GRHL2: variants seen among roughly 807,000 people sequenced by gnomAD.
The protein encoded by GRHL2 is grainyhead like transcription factor 2, also known as grainyhead-like protein 2 homolog.
In GRHL2, 21 loss-of-function variants were observed where a neutral mutation model predicts 83.8. The observed-to-expected ratio is 0.25, with a 90% confidence interval of 0.18 to 0.36. GRHL2 has a LOEUF of 0.36. Among genes scored for constraint, GRHL2 ranks in the 10% least tolerant of loss-of-function variants. The pLI, the probability that GRHL2 is intolerant of heterozygous loss-of-function variation, is 1.00. For synonymous variants in GRHL2, 280 were observed against 278.9 expected (o/e 1.00, Z -0.04); for missense variants, 623 against 781.8 (o/e 0.80, Z 2.42).
chr8:101,493,988 C>G (rs1810037327), intron 1 of GRHL2, among the ~76,000 whole-genome samples: 1 of 152,102 alleles, frequency 6.6e-6, no homozygotes, highest in Non-Finnish European at 1.5e-5. Flanking sequence ...TCGGCGGGGA[C>G]ACTCCCTTCC....
Position 101,632,376 on chromosome 8 carries a change from C to T in GRHL2, c.1485+11C>T. ...CAGAGGACCGGACAGGTATGACCTA[C>T]CAGCTAACGCCCACCTCCCATCCAT... On this transcript the variant is annotated intron_variant, in intron 11 of 15. Transcript: ENST00000646743. 3 of 1,613,772 alleles carry T rather than the reference C, an allele frequency of 1.9e-6. No individual in the cohort carries two copies. Among genetic ancestry groups the T allele is most frequent in the Non-Finnish European group, 2.5e-6 (3 of 1,179,736 alleles).
chr8:101,515,427 T>C (rs1412945826), intron 1 of GRHL2, among the ~76,000 whole-genome samples: 1 of 152,136 alleles, frequency 6.6e-6, no homozygotes, highest in Non-Finnish European at 1.5e-5. Context: ...TCTGTCCTTG[T>C]TACAATATAG....
intron 4 of GRHL2, among the ~76,000 whole-genome samples, chr8:101,566,016 T>C (rs963020744): frequency 2.0e-5 from 3 of 152,194 alleles, no homozygotes; most frequent in Admixed American, 1.3e-4. Flanking sequence ...TCCAACTTAA[T>C]TGATTGACAG....
downstream of GRHL2, among the ~76,000 whole-genome samples, chr8:101,674,532 C>G (rs961855674): frequency 8.1e-4 from 124 of 152,248 alleles, no homozygotes; most frequent in South Asian, 1.0e-3. Context: ...TCTGAATAGA[C>G]CAATAACAGG....
intron 1 of GRHL2, among the ~76,000 whole-genome samples, chr8:101,499,844 G>A (rs371710666): frequency 6.6e-5 from 10 of 152,244 alleles, no homozygotes; most frequent in East Asian, 3.9e-4. Flanking sequence ...TTGGGAAGCC[G>A]AGGCAGGCAG....
intron 1 of GRHL2, among the ~76,000 whole-genome samples, chr8:101,495,610 G>A (rs1810083844): frequency 1.3e-5 from 2 of 152,106 alleles, no homozygotes; most frequent in Admixed American, 1.3e-4. Flanking sequence ...TTTAGAGAAC[G>A]TGTAGGTACT....
At chr8:101,676,873 A>G in the GRHL2 span, among the ~76,000 whole-genome samples, 2 of 152,200 alleles carry the variant, frequency 1.3e-5, no homozygotes, top group Non-Finnish European at 2.9e-5. Flanking sequence ...ATGGAATACT[A>G]TGCAGCTATA....
intron 2 of GRHL2, among the ~76,000 whole-genome samples, chr8:101,552,487 G>A (rs948056777): frequency 2.6e-5 from 4 of 152,172 alleles, no homozygotes; most frequent in African/African-American, 4.8e-5. Flanking sequence ...GTGAGCAGCC[G>A]AATCATGTCT....
At chr8:101,607,979 A>G (rs1812664793) in intron 8 of GRHL2, among the ~76,000 whole-genome samples, 1 of 152,232 alleles carries the variant, frequency 6.6e-6, no homozygotes, top group Non-Finnish European at 1.5e-5. Flanking sequence ...AATTTTGCTT[A>G]GGACTCTGTA....
chr8:101,621,953 A>G (rs576336159), intron 9 of GRHL2, among the ~76,000 whole-genome samples: 2 of 152,334 alleles, frequency 1.3e-5, no homozygotes, highest in East Asian at 3.8e-4. Context: ...ATGGAATACT[A>G]AAAATACATT....
At chr8:101,555,481 T>C (rs1445042693) in intron 3 of GRHL2, among the ~76,000 whole-genome samples, 1 of 152,148 alleles carries the variant, frequency 6.6e-6, no homozygotes, top group Non-Finnish European at 1.5e-5. Flanking sequence ...GATGGACTCT[T>C]TTTTTGTGTG....
At chr8:101,523,899 C>A (rs1454253055) in intron 1 of GRHL2, among the ~76,000 whole-genome samples, 2 of 152,170 alleles carry the variant, frequency 1.3e-5, no homozygotes, top group East Asian at 1.9e-4. Context: ...TGGTTCATAA[C>A]CTTATTTGTT....
chr8:101,639,411 T>C (rs890720791), intron 12 of GRHL2, among the ~76,000 whole-genome samples: 7 of 152,226 alleles, frequency 4.6e-5, no homozygotes, highest in Admixed American at 4.6e-4. Context: ...CATGAACTCA[T>C]TGAATTCCCC....
At chr8:101,615,169 T>A (rs529600446) in intron 8 of GRHL2, among the ~76,000 whole-genome samples, 1 of 152,182 alleles carries the variant, frequency 6.6e-6, no homozygotes, top group East Asian at 1.9e-4. Context: ...TACTGGGTGG[T>A]TGGTTTTTAT....
intron 3 of GRHL2, 53 bp downstream of exon 3, chr8:101,552,835 T>C: frequency 2.0e-6 from 3 of 1,521,414 alleles, no homozygotes; most frequent in Non-Finnish European, 2.7e-6. Flanking sequence ...TAAAAAACAA[T>C]GTTATTAAAC....
At chr8:101,570,296 G>T in intron 4 of GRHL2, 43 bp from the exon 5 acceptor site, 1 of 1,447,948 alleles carries the variant, frequency 6.9e-7, no homozygotes, top group South Asian at 1.1e-5. Flanking sequence ...TTTGCATAAT[G>T]ACTTACCTAT....
intron 11 of GRHL2, among the ~76,000 whole-genome samples, chr8:101,633,740 A>G (rs1353235767): frequency 6.6e-6 from 1 of 151,616 alleles, no homozygotes; most frequent in Non-Finnish European, 1.5e-5. Context: ...TTTTTTTTTT[A>G]ATTCCCAAGA....
downstream of GRHL2, among the ~76,000 whole-genome samples, chr8:101,670,244 G>C (rs960764661): frequency 1.3e-5 from 2 of 152,080 alleles, no homozygotes; most frequent in African/African-American, 4.8e-5. Context: ...GGGTTTCCTT[G>C]GTGGGTACCA....
At chr8:101,536,646 C>T (rs957966156) in intron 1 of GRHL2, among the ~76,000 whole-genome samples, 3 of 152,158 alleles carry the variant, frequency 2.0e-5, no homozygotes, top group Admixed American at 6.5e-5. Flanking sequence ...AATATTAAAA[C>T]GGTACATAAG....
Sources: gnomAD v4.1 joint callset for allele counts (sites outside exome capture counted in the v4.1 genomes callset) on GRCh38, gnomAD v4.1.1 for gene constraint, MANE v1.5 for transcripts, NCBI Gene and HGNC (gene_info 2026-07-23, HGNC 2026-07-21) for gene names.